VEPH1: variants seen among roughly 807,000 people sequenced by gnomAD.
VEPH1 encodes ventricular zone expressed PH domain containing 1.
A neutral mutation model predicts 85.2 loss-of-function variants in VEPH1; 80 were observed. The observed-to-expected ratio is 0.94, with a 90% confidence interval of 0.78 to 1.13. The LOEUF is 1.13. Ranked by LOEUF, VEPH1 falls within the 50% of genes most tolerant of loss-of-function variation. The pLI, the probability that VEPH1 is intolerant of heterozygous loss-of-function variation, is 0.00. For missense variants in VEPH1, 955 were observed against 980.5 expected, an observed-to-expected ratio of 0.97 and a Z score of 0.35; for synonymous variants, 297 against 348.0, an observed-to-expected ratio of 0.85 and a Z score of 1.63.
intron 3 of VEPH1, among the ~76,000 whole-genome samples, chr3:157,463,931 A>G (rs1166333653): frequency 3.3e-5 from 5 of 152,204 alleles, no homozygotes; most frequent in Admixed American, 6.5e-5. Context: ...CTCCTGCCCT[A>G]TAACTGAATC....
At chr3:157,286,282 A>G (rs1477394329) in intron 12 of VEPH1, 2 of 374,488 alleles carry the variant, frequency 5.3e-6, no homozygotes, top group African/African-American at 2.1e-5. Flanking sequence ...GGTCATCTGG[A>G]TGAAATGAAT....
At chr3:157,277,281 G>A (rs1000492680) in intron 12 of VEPH1, among the ~76,000 whole-genome samples, 24 of 152,134 alleles carry the variant, frequency 1.6e-4, no homozygotes, top group African/African-American at 5.1e-4. Context: ...TAATAAGATC[G>A]CGTGGATAGA....
In VEPH1 at chr3:157,489,603, G is replaced by A. The variant is rs377739046; in HGVS notation, c.138+5609C>T. On this transcript the variant is annotated intron_variant, in intron 2 of 13. Coordinates refer to ENST00000362010, the MANE Select transcript of VEPH1 (RefSeq NM_001167912.2). ...CCGATATCCTGTCACTGCCCTCTGCGTTAATTTTCTACATAGCACTTACTT... is the reference window on the plus strand; with the variant it reads ...CCGATATCCTGTCACTGCCCTCTGCATTAATTTTCTACATAGCACTTACTT... Among the ~76,000 whole-genome samples the A allele has an allele frequency of 3.3e-4, 50 of 152,076 alleles. No homozygotes were observed. In the East Asian group the frequency reaches 8.3e-3, roughly 25 times the overall value.
At chr3:157,326,378 T>C (rs1373009502) in intron 9 of VEPH1, among the ~76,000 whole-genome samples, 1 of 152,186 alleles carries the variant, frequency 6.6e-6, no homozygotes, top group Non-Finnish European at 1.5e-5. Context: ...TATTCAACAG[T>C]TATAGGAGTA....
chr3:157,291,856 C>A (rs1717510184), intron 11 of VEPH1, among the ~76,000 whole-genome samples: 1 of 152,054 alleles, frequency 6.6e-6, no homozygotes, highest in Admixed American at 6.6e-5. Context: ...TCAACAGTAG[C>A]ATTTAGGTTT....
intron 6 of VEPH1, among the ~76,000 whole-genome samples, chr3:157,410,797 CAGAGCATACGGG>C (rs1409028320): frequency 4.6e-5 from 7 of 152,146 alleles, no homozygotes; most frequent in Non-Finnish European, 8.8e-5. Flanking sequence ...CAAATAATAT[CAGAGCATACGGG>C]AGGTAATCCA....
intron 3 of VEPH1, among the ~76,000 whole-genome samples, chr3:157,464,776 G>A (rs942769118): frequency 1.6e-4 from 25 of 152,140 alleles, no homozygotes; most frequent in African/African-American, 5.8e-4. Context: ...TCTATCTGAG[G>A]TAATAGCAAC....
At chr3:157,317,830 T>A (rs1720910220) in intron 9 of VEPH1, among the ~76,000 whole-genome samples, 1 of 152,168 alleles carries the variant, frequency 6.6e-6, no homozygotes, top group Non-Finnish European at 1.5e-5. Flanking sequence ...AATAAATGAA[T>A]GAATGAAGCA....
chr3:157,288,782 C>T (rs1164191575), intron 11 of VEPH1, among the ~76,000 whole-genome samples: 1 of 152,132 alleles, frequency 6.6e-6, no homozygotes, highest in Non-Finnish European at 1.5e-5. Context: ...AAAAGGCATG[C>T]CCTGGGCCTA....
chr3:157,398,616 G>C (rs1312740454), intron 6 of VEPH1, among the ~76,000 whole-genome samples: 2 of 145,420 alleles, frequency 1.4e-5, no homozygotes, highest in South Asian at 2.3e-4. Flanking sequence ...CCTGGCAACA[G>C]AGTGAGACTC....
chr3:157,401,058 A>G (rs749683687), intron 6 of VEPH1, among the ~76,000 whole-genome samples: 1 of 152,138 alleles, frequency 6.6e-6, no homozygotes, highest in Non-Finnish European at 1.5e-5. Context: ...TTGAAAGACC[A>G]CTGGGGACTT....
intron 12 of VEPH1, among the ~76,000 whole-genome samples, chr3:157,274,864 T>TTCCATTTACAA (rs1715181118): frequency 6.6e-6 from 1 of 152,200 alleles, no homozygotes; most frequent in Non-Finnish European, 1.5e-5. Context: ...GACAGTAAAC[T>TTCCATTTACAA]GCCATTTACA....
At chr3:157,410,180 A>T (rs1227613744) in intron 6 of VEPH1, among the ~76,000 whole-genome samples, 1 of 152,076 alleles carries the variant, frequency 6.6e-6, no homozygotes, top group Admixed American at 6.6e-5. Flanking sequence ...TTTAGATGAG[A>T]CCAGAATAGG....
Position 157,460,339 on chromosome 3 carries a change from G to A in VEPH1, c.371C>T (p.Pro124Leu). 6.2e-7 allele frequency: 1 copy of A among 1,612,748 alleles called. No individual in the cohort carries two copies. Residue 124 changes from proline (P) to leucine (L), a missense_variant, in exon 4 of 14, where the codon CCA (proline) becomes CTA (leucine). Transcript: ENST00000362010. ...AATGGGGATGGCTAATGCCATCACTGGGGGTCGGTTGTAATTCTGAGGAAA... is the reference window on the plus strand; with the variant it reads ...AATGGGGATGGCTAATGCCATCACTAGGGGTCGGTTGTAATTCTGAGGAAA... The part of the protein sequence containing the change: ...SCILQNYNRP[P>L]VMALAIPIAV...
intron 11 of VEPH1, among the ~76,000 whole-genome samples, chr3:157,311,767 A>G (rs1488988602): frequency 6.6e-6 from 1 of 152,176 alleles, no homozygotes; most frequent in Non-Finnish European, 1.5e-5. Context: ...GGTTGCCTCT[A>G]GTTAAAATAC....
chr3:157,304,718 A>G (rs1440885882), intron 11 of VEPH1, among the ~76,000 whole-genome samples: 1 of 152,228 alleles, frequency 6.6e-6, no homozygotes, highest in Non-Finnish European at 1.5e-5. Flanking sequence ...GCTCATTTAC[A>G]TAAGGCAATA....
At chr3:157,483,743 G>T (rs566115448) in intron 2 of VEPH1, among the ~76,000 whole-genome samples, 73 of 152,128 alleles carry the variant, frequency 4.8e-4, no homozygotes, top group African/African-American at 1.7e-3. Context: ...AGATAAAATA[G>T]GACAGAATAC....
chr3:157,297,446 A>T (rs1261853434), intron 11 of VEPH1, among the ~76,000 whole-genome samples: 1 of 152,156 alleles, frequency 6.6e-6, no homozygotes, highest in Non-Finnish European at 1.5e-5. Flanking sequence ...CCATAATGTG[A>T]TGTACAAATA....
intron 2 of VEPH1, among the ~76,000 whole-genome samples, chr3:157,471,437 T>A (rs1171534956): frequency 2.6e-5 from 4 of 152,214 alleles, no homozygotes; most frequent in Non-Finnish European, 4.4e-5. Flanking sequence ...AGGCTCAAAA[T>A]AGGTACTGTT....
Sources: allele counts gnomAD v4.1 joint callset (sites outside exome capture counted in the v4.1 genomes callset), GRCh38; gene constraint gnomAD v4.1.1; transcripts MANE v1.5; gene names NCBI Gene and HGNC (gene_info 2026-07-23, HGNC 2026-07-21).